Variants in SCGN observed in about 807,000 individuals in gnomAD.
SCGN encodes secretagogin.
SCGN carries 30 observed loss-of-function variants against 39.7 expected under a neutral mutation model. The ratio of observed to expected loss-of-function variants is 0.76; its 90% CI spans 0.57 to 1.03. SCGN has a LOEUF of 1.03. Among genes scored for constraint, SCGN ranks in the 50% least tolerant of loss-of-function variants. The probability of loss-of-function intolerance (pLI) is 0.00; values close to 1 mark genes in which losing one functional copy is unlikely to be tolerated. For synonymous variants in SCGN, 106 were observed against 114.1 expected (o/e 0.93, Z 0.45); for missense variants, 353 against 349.4 (o/e 1.01, Z -0.08).
intron 10 of SCGN, among the ~76,000 whole-genome samples, chr6:25,697,799 A>G (rs1759857271): frequency 6.6e-6 from 1 of 152,226 alleles, no homozygotes; most frequent in African/African-American, 2.4e-5. Flanking sequence ...TGAAAGAGGA[A>G]AAAGTTACAT....
intron 4 of SCGN, among the ~76,000 whole-genome samples, chr6:25,665,907 C>T (rs1489868868): frequency 6.6e-6 from 1 of 152,046 alleles, no homozygotes; most frequent in Non-Finnish European, 1.5e-5. Flanking sequence ...CAAGGAAGCC[C>T]AGAGATTGTC....
At chr6:25,698,810 ATC>A (rs1330690761) in intron 10 of SCGN, among the ~76,000 whole-genome samples, 1 of 152,180 alleles carries the variant, frequency 6.6e-6, no homozygotes, top group Non-Finnish European at 1.5e-5. Context: ...AGCTCCTGAT[ATC>A]TCTCTGAATA....
intron 2 of SCGN, among the ~76,000 whole-genome samples, chr6:25,659,883 T>C (rs568847990): frequency 6.6e-6 from 1 of 152,164 alleles, no homozygotes; most frequent in East Asian, 1.9e-4. Context: ...AGAGGTCAAC[T>C]GAAAAGATGA....
intron 10 of SCGN, among the ~76,000 whole-genome samples, chr6:25,697,326 A>G (rs1349689700): frequency 6.6e-6 from 1 of 152,246 alleles, no homozygotes; most frequent in Non-Finnish European, 1.5e-5. Context: ...GACAGAAAAC[A>G]TGTTGTAATT....
At chr6:25,677,703 A>G (rs1759583600) in intron 6 of SCGN, among the ~76,000 whole-genome samples, 1 of 152,206 alleles carries the variant, frequency 6.6e-6, no homozygotes, top group Admixed American at 6.5e-5. Context: ...TTCTGGAAGG[A>G]TACATAAGAC....
intron 10 of SCGN, among the ~76,000 whole-genome samples, chr6:25,700,858 T>C (rs1759902950): frequency 1.3e-5 from 2 of 152,198 alleles, no homozygotes; most frequent in Non-Finnish European, 2.9e-5. Flanking sequence ...ATGTGTCTTC[T>C]CTCATCAGTG....
intron 9 of SCGN, 131 bp from the exon 10 acceptor site, chr6:25,690,925 T>C: frequency 1.6e-6 from 1 of 633,950 alleles, no homozygotes; most frequent in Non-Finnish European, 2.8e-6. Context: ...AGAACATAAA[T>C]TGGAACATGC....
chr6:25,662,833 G>A (rs1346528636), intron 3 of SCGN, among the ~76,000 whole-genome samples: 4 of 152,184 alleles, frequency 2.6e-5, no homozygotes, highest in African/African-American at 7.2e-5. Flanking sequence ...AATGCAAACA[G>A]CAAGTTAGGT....
Position 25,701,347 on chromosome 6 carries a change from T to C in SCGN, c.*12T>C. On this transcript the variant is annotated 3_prime_UTR_variant, in exon 11 of 11. Transcript: ENST00000377961. ...AAATCAACCCATAATCCCAGACTGC[T>C]TTGCCTTTTGCTCTTACTATGTTTC... The C allele has an allele frequency of 6.2e-7, 1 of 1,608,006 alleles. No homozygotes were observed. The highest frequency in any genetic ancestry group is 8.5e-7 in the Non-Finnish European group (1 of 1,177,446).
chr6:25,701,219 G>C lies in SCGN; in HGVS notation c.715G>C (p.Gly239Arg). ...TTGTCGCCCTCAGCCCAGCATCAGC[G>C]GGGTGGACCTTGATAAGTTCCGCGA... ...MMELVQPSISGVDLDKFREIL... is the reference protein window; with the variant it reads ...MMELVQPSISRVDLDKFREIL... Residue 239 changes from glycine (G) to arginine (R), a missense_variant, in exon 11 of 11, where the codon GGG (glycine) becomes CGG (arginine). By Grantham distance (125) the Gly-to-Arg change is moderately radical (BLOSUM62 -2). Coordinates refer to ENST00000377961, the MANE Select transcript of SCGN (RefSeq NM_006998.4). 6.2e-7 allele frequency: 1 copy of C among 1,611,808 alleles called. No individual in the cohort carries two copies. The highest frequency in any genetic ancestry group is 8.5e-7 in the Non-Finnish European group (1 of 1,179,162).
At chr6:25,670,996 A>C (rs1319822210) in intron 6 of SCGN, among the ~76,000 whole-genome samples, 1 of 152,188 alleles carries the variant, frequency 6.6e-6, no homozygotes, top group African/African-American at 2.4e-5. Context: ...ATTTGCTGAC[A>C]AAGCCTTAAT....
At chr6:25,677,970 A>G (rs538920290) in intron 6 of SCGN, among the ~76,000 whole-genome samples, 1 of 152,362 alleles carries the variant, frequency 6.6e-6, no homozygotes, top group African/African-American at 2.4e-5. Context: ...TACAATCACT[A>G]TTGCACCTAC....
chr6:25,652,811 C>T lies in SCGN; in HGVS notation c.82+326C>T, dbSNP rs560108859. ...ATTGTATATGTTCAAGGCTTGTGGGCTGAGACTCAGCTATTTGAAGTCATC... is the reference window on the plus strand; with the variant it reads ...ATTGTATATGTTCAAGGCTTGTGGGTTGAGACTCAGCTATTTGAAGTCATC... On this transcript the variant is annotated intron_variant, in intron 1 of 10. Transcript: ENST00000377961. Among the ~76,000 whole-genome samples the T allele has an allele frequency of 2.0e-5, 3 of 152,118 alleles. No homozygotes were observed. The East Asian group carries it at 5.8e-4, about 29-fold the overall frequency.
intron 10 of SCGN, among the ~76,000 whole-genome samples, chr6:25,698,819 A>C (rs1375279150): frequency 6.6e-6 from 1 of 152,178 alleles, no homozygotes; most frequent in Non-Finnish European, 1.5e-5. Context: ...TATCTCTCTG[A>C]ATACCAGGCC....
chr6:25,695,319 C>A (rs1475537245), intron 10 of SCGN, among the ~76,000 whole-genome samples: 2 of 152,088 alleles, frequency 1.3e-5, no homozygotes, highest in African/African-American at 2.4e-5. Context: ...AGTATACATC[C>A]ATGAAACCAT....
At chr6:25,656,203 T>G (rs1372285516) in intron 2 of SCGN, among the ~76,000 whole-genome samples, 1 of 152,210 alleles carries the variant, frequency 6.6e-6, no homozygotes, top group Non-Finnish European at 1.5e-5. Context: ...TGCTTTTGAT[T>G]GGTAATGCCC....
chr6:25,697,874 T>A (rs1759858193), intron 10 of SCGN, among the ~76,000 whole-genome samples: 1 of 152,234 alleles, frequency 6.6e-6, no homozygotes, highest in Non-Finnish European at 1.5e-5. Context: ...CCTGACTGCC[T>A]GGATTTGTAT....
intron 6 of SCGN, among the ~76,000 whole-genome samples, chr6:25,670,661 C>G (rs1759486466): frequency 6.6e-6 from 1 of 152,208 alleles, no homozygotes; most frequent in Admixed American, 6.5e-5. Context: ...GCATACTGTC[C>G]AGAATATAAT....
intron 7 of SCGN, among the ~76,000 whole-genome samples, chr6:25,687,124 T>C (rs1239106330): frequency 6.6e-6 from 1 of 152,126 alleles, no homozygotes; most frequent in African/African-American, 2.4e-5. Flanking sequence ...AAAATGTGAG[T>C]CCTCAAACTT....
Sources: allele counts gnomAD v4.1 joint callset (sites outside exome capture counted in the v4.1 genomes callset), GRCh38; gene constraint gnomAD v4.1.1; transcripts MANE v1.5; gene names NCBI Gene and HGNC (gene_info 2026-07-23, HGNC 2026-07-21).